ZC3H11A: variants seen among roughly 807,000 people sequenced by gnomAD.
ZC3H11A encodes zinc finger CCCH-type containing 11A.
Under a neutral mutation model 90.8 loss-of-function variants are expected in ZC3H11A, and 22 were observed. The observed-to-expected ratio is 0.24, with a 90% confidence interval of 0.17 to 0.35. The LOEUF is 0.35. Among genes scored for constraint, ZC3H11A ranks in the 10% least tolerant of loss-of-function variants. The pLI is 1.00. For missense variants in ZC3H11A, 701 were observed against 964.9 expected (o/e 0.73, Z 3.62); for synonymous variants, 294 against 339.8 (o/e 0.87, Z 1.48).
At position 203,829,460 on chromosome 1, in the gene ZC3H11A, C is replaced by T. The variant is rs759052175; in HGVS notation, c.308C>T (p.Pro103Leu). The T allele has an allele frequency of 2.4e-5, 39 of 1,613,718 alleles. 1 individual carries two copies. In the South Asian group the frequency reaches 3.8e-4, roughly 16 times the overall value. Residue 103 changes from proline (P) to leucine (L), a missense_variant, in exon 6 of 18, where the codon CCC becomes CTC. Pro to Leu is a moderately conservative substitution (Grantham distance 98). Coordinates refer to ENST00000367210, the MANE Select transcript of ZC3H11A (RefSeq NM_001376342.1). ...GATTTTGTGCGTTTAGCTGTGTTGCCCACTGTGCCTGAGTCACCAGAAGAG... is the reference window on the plus strand; with the variant it reads ...GATTTTGTGCGTTTAGCTGTGTTGCTCACTGTGCCTGAGTCACCAGAAGAG... Reference protein sequence around the residue: ...LFLPPSKTVLPTVPESPEEEV... With the variant: ...LFLPPSKTVLLTVPESPEEEV...
intron 2 of ZC3H11A, among the ~76,000 whole-genome samples, chr1:203,804,898 C>G (rs1430706237): frequency 6.6e-6 from 1 of 150,500 alleles, no homozygotes; most frequent in Non-Finnish European, 1.5e-5. Context: ...GTCTCAAACT[C>G]CTGACCTCAG....
rs985523000 is a variant in ZC3H11A, at chr1:203,808,775, C to T, written c.-146+5759C>T. 2.0e-5 allele frequency among the ~76,000 whole-genome samples: 3 copies of T among 152,214 alleles called. No individual in the cohort carries two copies. In the South Asian group the frequency reaches 6.2e-4, roughly 32 times the overall value. ...AGGGGCTGGAAATTAGAGTCTTCAT[C>T]TTCGTCGTCGTCATCGCCATCTTCT... is the stretch of plus-strand genomic sequence containing the variant. On this transcript the variant is annotated intron_variant, in intron 2 of 17. Coordinates refer to ENST00000367210, the MANE Select transcript of ZC3H11A (RefSeq NM_001376342.1).
chr1:203,815,216 C>T (rs201898643), intron 2 of ZC3H11A, among the ~76,000 whole-genome samples: 7,826 of 97,286 alleles, frequency 0.08, 948 homozygotes, highest in East Asian at 0.45. Flanking sequence ...CTTTTCTTTT[C>T]TTTTTTTTTT....
At chr1:203,824,832 C>T (rs1321827487) in intron 4 of ZC3H11A, among the ~76,000 whole-genome samples, 1 of 152,114 alleles carries the variant, frequency 6.6e-6, no homozygotes, top group Non-Finnish European at 1.5e-5. Flanking sequence ...GTAATCCCAG[C>T]ACTTTGGGAG....
intron 2 of ZC3H11A, among the ~76,000 whole-genome samples, chr1:203,804,505 G>A (rs891693853): frequency 6.6e-6 from 1 of 151,870 alleles, no homozygotes; most frequent in Non-Finnish European, 1.5e-5. Context: ...TCTTTTTACT[G>A]TGAGTGGTAC....
intron 9 of ZC3H11A, among the ~76,000 whole-genome samples, 181 bp from the exon 10 acceptor site, chr1:203,833,610 A>G (rs1410202614): frequency 1.9e-5 from 2 of 104,496 alleles, no homozygotes; most frequent in African/African-American, 6.7e-5. Flanking sequence ...TATTATTAAT[A>G]GGTTTGGGTT....
rs566530968 is a variant in ZC3H11A at position 203,836,497 on chromosome 1, C to A, written c.875-1469C>A. On this transcript the variant is annotated intron_variant, in intron 10 of 17. Transcript: ENST00000367210. Reference sequence around the variant, plus strand: ...GGGCGCGGTAGCTTACGCCTGTAATCCCAGCACTTTGAGAGGCTGAGGCAG... The same window carrying A: ...GGGCGCGGTAGCTTACGCCTGTAATACCAGCACTTTGAGAGGCTGAGGCAG... Among the ~76,000 whole-genome samples, 5 of 152,304 alleles carry A rather than the reference C, an allele frequency of 3.3e-5. No homozygotes were observed. The East Asian group carries it at 9.6e-4, about 29-fold the overall frequency.
intron 1 of ZC3H11A, chr1:203,798,575 G>A: frequency 6.5e-7 from 1 of 1,536,128 alleles, no homozygotes; most frequent in Non-Finnish European, 8.7e-7. Context: ...ATGGAGAAAA[G>A]TCTACAGGCA....
At chr1:203,822,057 C>G (rs1236409437) in intron 4 of ZC3H11A, among the ~76,000 whole-genome samples, 1 of 151,946 alleles carries the variant, frequency 6.6e-6, no homozygotes, top group Non-Finnish European at 1.5e-5. Flanking sequence ...GTGCCTGGCC[C>G]TATGTATTTA....
chr1:203,799,451 C>T (rs780674451), intron 1 of ZC3H11A: 42 of 702,866 alleles, frequency 6.0e-5, no homozygotes, highest in Non-Finnish European at 8.8e-5. Context: ...TGAAGCAGGA[C>T]GAAACTGGCC....
Position 203,837,955 on chromosome 1 carries a change from C to G in ZC3H11A, c.875-11C>G. On this transcript the variant is annotated splice_polypyrimidine_tract_variant and intron_variant, in intron 10 of 17. Transcript: ENST00000367210. ...ACTTGAAATCTTAAACTAAGTTCTC[C>G]CTCTTTATAGGCGGTGACAGTGATC... 1 of 1,603,544 alleles carries G rather than the reference C, an allele frequency of 6.2e-7. No homozygotes were observed. Among genetic ancestry groups the G allele is most frequent in the African/African-American group, 1.3e-5 (1 of 74,398 alleles).
intron 15 of ZC3H11A, 155 bp downstream of exon 15, chr1:203,850,181 G>T: frequency 1.4e-6 from 1 of 718,230 alleles, no homozygotes; most frequent in African/African-American, 1.8e-5. Flanking sequence ...TTATACAGAG[G>T]CAAAACGAGA....
At chr1:203,836,399 C>G (rs561840262) in intron 10 of ZC3H11A, among the ~76,000 whole-genome samples, 1 of 152,164 alleles carries the variant, frequency 6.6e-6, no homozygotes, top group African/African-American at 2.4e-5. Context: ...GTCAAGTAAT[C>G]TAAAAAACCG....
At chr1:203,836,884 A>T (rs994763811) in intron 10 of ZC3H11A, among the ~76,000 whole-genome samples, 2 of 152,256 alleles carry the variant, frequency 1.3e-5, no homozygotes, top group African/African-American at 4.8e-5. Context: ...TTTCTTTTCT[A>T]GAATTGGAGA....
chr1:203,838,954 C>CAAAAAAAAA (rs59033094), intron 11 of ZC3H11A, among the ~76,000 whole-genome samples: 1 of 97,942 alleles, frequency 1.0e-5, no homozygotes, highest in African/African-American at 4.3e-5. Flanking sequence ...GACTTCATCT[C>CAAAAAAAAA]AAAAAAAAAA....
At chr1:203,799,861 A>G in intron 1 of ZC3H11A, 1 of 1,534,262 alleles carries the variant, frequency 6.5e-7, no homozygotes, top group Non-Finnish European at 8.7e-7. Flanking sequence ...AGTTTGGAAG[A>G]CTTTTTTCCT....
intron 2 of ZC3H11A, among the ~76,000 whole-genome samples, chr1:203,808,790 C>T (rs1571974970): frequency 6.6e-6 from 1 of 151,982 alleles, no homozygotes; most frequent in South Asian, 2.1e-4. Flanking sequence ...TCGTCGTCAT[C>T]GCCATCTTCT....
chr1:203,834,719 A>C (rs1312008476), intron 10 of ZC3H11A, among the ~76,000 whole-genome samples: 1 of 152,178 alleles, frequency 6.6e-6, no homozygotes, highest in East Asian at 1.9e-4. Context: ...GCACAATCTC[A>C]GCTCACTGCA....
intron 2 of ZC3H11A, among the ~76,000 whole-genome samples, chr1:203,811,774 C>T (rs1171192043): frequency 6.7e-6 from 1 of 150,222 alleles, no homozygotes; most frequent in African/African-American, 2.4e-5. Context: ...AAACTTTTTC[C>T]TTTGTTGCAT....
Sources: gnomAD v4.1 joint callset for allele counts (sites outside exome capture counted in the v4.1 genomes callset) on GRCh38, gnomAD v4.1.1 for gene constraint, MANE v1.5 for transcripts, NCBI Gene and HGNC (gene_info 2026-07-23, HGNC 2026-07-21) for gene names.